Variants in OPCML observed in about 807,000 individuals in gnomAD.
OPCML encodes opioid binding protein/cell adhesion molecule like.
Under a neutral mutation model 37.8 loss-of-function variants are expected in OPCML, and 13 were observed. The ratio of observed to expected loss-of-function variants is 0.34; its 90% CI spans 0.22 to 0.55. The LOEUF (loss-of-function observed/expected upper bound fraction) is 0.55. Among genes scored for constraint, OPCML ranks in the 20% least tolerant of loss-of-function variants. The pLI is 0.91. For synonymous variants in OPCML, 176 were observed against 168.8 expected, an observed-to-expected ratio of 1.04 and a Z score of -0.33; for missense variants, 341 against 435.6, an observed-to-expected ratio of 0.78 and a Z score of 1.93.
In OPCML at chr11:133,484,103, TTAGA is replaced by T. The variant is rs1303668459; in HGVS notation, c.61+48157_61+48160del. 2.1e-3 allele frequency among the ~76,000 whole-genome samples: 310 copies of T among 146,934 alleles called. 2 individuals are homozygous for T. The highest frequency in any genetic ancestry group is 8.1e-3 in the African/African-American group (305 of 37,584). On this transcript the variant is annotated intron_variant, in intron 1 of 7. Coordinates refer to ENST00000524381, the MANE Select transcript of OPCML (RefSeq NM_001012393.5). ...ATAGATTCATAGATGAATAGATAGATTAGATAGATGATAGATAGATGATTGATAG... is the reference window on the plus strand; with the variant it reads ...ATAGATTCATAGATGAATAGATAGATTAGATGATAGATAGATGATTGATAG...
At chr11:133,326,563 G>A in intron 1 of OPCML, among the ~76,000 whole-genome samples, 1 of 146,872 alleles carries the variant, frequency 6.8e-6, no homozygotes, top group East Asian at 2.1e-4. Context: ...ATATGTGTGT[G>A]TGGGGTGTCG....
At chr11:133,384,569 T>C (rs1945003907) in intron 1 of OPCML, among the ~76,000 whole-genome samples, 1 of 152,218 alleles carries the variant, frequency 6.6e-6, no homozygotes, top group Non-Finnish European at 1.5e-5. Context: ...TGCAAGTTAA[T>C]TCATTTTTAT....
At chr11:133,221,149 C>A (rs1046303419) in intron 1 of OPCML, among the ~76,000 whole-genome samples, 1 of 152,170 alleles carries the variant, frequency 6.6e-6, no homozygotes, top group Admixed American at 6.5e-5. Context: ...GAGTCTTTGG[C>A]TGGCCATACC....
At chr11:132,684,576 C>T (rs1397962898) in intron 2 of OPCML, among the ~76,000 whole-genome samples, 2 of 152,220 alleles carry the variant, frequency 1.3e-5, no homozygotes, top group East Asian at 3.9e-4. Context: ...CTCAATAGGA[C>T]AAAAGGTTCC....
At chr11:133,347,309 G>A (rs894504011) in intron 1 of OPCML, among the ~76,000 whole-genome samples, 8 of 152,150 alleles carry the variant, frequency 5.3e-5, no homozygotes, top group African/African-American at 1.7e-4. Flanking sequence ...TGTCCTCCCG[G>A]GAGCTGCAAC....
chr11:133,376,253 T>A (rs1396022957), intron 1 of OPCML, among the ~76,000 whole-genome samples: 1 of 152,200 alleles, frequency 6.6e-6, no homozygotes, highest in Non-Finnish European at 1.5e-5. Context: ...ATTAAAATGT[T>A]ATAAATGTAA....
intron 4 of OPCML, among the ~76,000 whole-genome samples, chr11:132,443,441 G>T (rs564945133): frequency 1.3e-5 from 2 of 152,338 alleles, no homozygotes; most frequent in South Asian, 4.1e-4. Context: ...TTTCCCTGCT[G>T]CCCAGCAAGA....
intron 1 of OPCML, among the ~76,000 whole-genome samples, chr11:133,042,982 T>C (rs1591944347): frequency 6.6e-6 from 1 of 152,242 alleles, no homozygotes; most frequent in Non-Finnish European, 1.5e-5. Context: ...CTGAAAAGAT[T>C]TCCTGCAAAA....
chr11:132,843,564 G>T (rs1160791562), intron 2 of OPCML, among the ~76,000 whole-genome samples: 2 of 151,450 alleles, frequency 1.3e-5, no homozygotes, highest in Non-Finnish European at 2.9e-5. Flanking sequence ...GTATGTGAGT[G>T]CATGTAAAAC....
chr11:133,468,757 T>C (rs1947033025), intron 1 of OPCML, among the ~76,000 whole-genome samples: 1 of 152,186 alleles, frequency 6.6e-6, no homozygotes, highest in Non-Finnish European at 1.5e-5. Flanking sequence ...ACTCTGTTCA[T>C]TTCTCCCCCA....
intron 3 of OPCML, among the ~76,000 whole-genome samples, chr11:132,532,774 C>T (rs2096329469): frequency 6.6e-6 from 1 of 152,170 alleles, no homozygotes; most frequent in African/African-American, 2.4e-5. Flanking sequence ...CGGACCACAA[C>T]AGGAGAAGCC....
At chr11:132,692,591 C>T (rs530560823) in intron 2 of OPCML, among the ~76,000 whole-genome samples, 2 of 152,292 alleles carry the variant, frequency 1.3e-5, no homozygotes, top group African/African-American at 2.4e-5. Context: ...GGTGCTTTCA[C>T]TGCAATAGAA....
chr11:132,724,892 C>T (rs1030190973), intron 2 of OPCML, among the ~76,000 whole-genome samples: 16 of 152,172 alleles, frequency 1.1e-4, no homozygotes, highest in East Asian at 3.9e-4. Context: ...GGTCTCACAT[C>T]GAGGTCATGC....
chr11:132,788,545 G>A (rs1205426231), intron 2 of OPCML, among the ~76,000 whole-genome samples: 6 of 152,044 alleles, frequency 3.9e-5, no homozygotes, highest in Admixed American at 6.6e-5. Context: ...ACCTCCAGAC[G>A]GCAGGTATTG....
chr11:133,396,971 G>A (rs538640095), intron 1 of OPCML, among the ~76,000 whole-genome samples: 1 of 152,246 alleles, frequency 6.6e-6, no homozygotes, highest in African/African-American at 2.4e-5. Flanking sequence ...AGACTACCAG[G>A]TCTTGAAGGC....
rs115291072 is a variant in OPCML at position 133,423,082 on chromosome 11, G to A, written c.61+109182C>T. 2,983 of 985,332 alleles carry A rather than the reference G, an allele frequency of 3.0e-3. 63 individuals are homozygous for A. In the African/African-American group the frequency reaches 0.047, roughly 15 times the overall value. 61.0% of individuals were successfully genotyped at this position (985,332 alleles called of 1,614,324 possible). On this transcript the variant is annotated intron_variant, in intron 1 of 7. Transcript: ENST00000524381. ...TAGATTTCAACTTATGCTCTCGAAC[G>A]TGTTCTCCAGAATTGAGAAATGGGC... is the stretch of plus-strand genomic sequence containing the variant.
At chr11:132,750,291 T>C (rs1945787994) in intron 2 of OPCML, among the ~76,000 whole-genome samples, 1 of 152,318 alleles carries the variant, frequency 6.6e-6, no homozygotes, top group South Asian at 2.1e-4. Context: ...GGAATGGAAG[T>C]AAATTATATA....
chr11:132,724,097 A>G (rs1478737621), intron 2 of OPCML, among the ~76,000 whole-genome samples: 1 of 152,080 alleles, frequency 6.6e-6, no homozygotes, highest in Non-Finnish European at 1.5e-5. Flanking sequence ...ATTACTCAAG[A>G]CCACACTAGC....
intron 1 of OPCML, among the ~76,000 whole-genome samples, chr11:133,160,182 C>G (rs1004893416): frequency 6.6e-6 from 1 of 152,328 alleles, no homozygotes; most frequent in South Asian, 2.1e-4. Context: ...TATCTTGCCC[C>G]TAAGTCTCTC....
Sources: gnomAD v4.1 joint callset for allele counts (sites outside exome capture counted in the v4.1 genomes callset) on GRCh38, gnomAD v4.1.1 for gene constraint, MANE v1.5 for transcripts, NCBI Gene and HGNC (gene_info 2026-07-23, HGNC 2026-07-21) for gene names.